NRG1: variants seen among roughly 807,000 people sequenced by gnomAD.
NRG1 encodes neuregulin 1, also known as pro-neuregulin-1, membrane-bound isoform.
A neutral mutation model predicts 63.8 loss-of-function variants in NRG1; 18 were observed. That is an observed-to-expected ratio of 0.28 (90% confidence interval 0.19 to 0.42). The LOEUF is 0.42. NRG1 is among the 10% of genes least tolerant of loss of function. The probability of loss-of-function intolerance (pLI) is 1.00; values close to 1 mark genes in which losing one functional copy is unlikely to be tolerated. For missense variants in NRG1, 762 were observed against 814.7 expected (o/e 0.94, Z 0.79); for synonymous variants, 302 against 301.3 (o/e 1.00, Z -0.02).
At chr8:32,615,502 CAT>C (rs1481492829) in intron 4 of NRG1, among the ~76,000 whole-genome samples, 1 of 152,022 alleles carries the variant, frequency 6.6e-6, no homozygotes, top group Admixed American at 6.6e-5. Context: ...AATGTTAAGT[CAT>C]ATACCTCAGG....
chr8:31,647,284 G>A (rs1282211638), intron 1 of NRG1, among the ~76,000 whole-genome samples: 1 of 152,214 alleles, frequency 6.6e-6, no homozygotes, highest in Non-Finnish European at 1.5e-5. Flanking sequence ...TTTTAGATCA[G>A]TTCCTCTTTA....
chr8:32,587,113 G>A (rs1841752041), intron 1 of NRG1, among the ~76,000 whole-genome samples: 1 of 152,126 alleles, frequency 6.6e-6, no homozygotes, highest in African/African-American at 2.4e-5. Context: ...AGAGGCTAAG[G>A]CAGGAGGATC....
intron 1 of NRG1, among the ~76,000 whole-genome samples, chr8:32,217,412 C>T (rs1845361992): frequency 6.6e-6 from 1 of 152,068 alleles, no homozygotes; most frequent in African/African-American, 2.4e-5. Flanking sequence ...CTCTGCTAGT[C>T]AGTCAACAGA....
chr8:32,137,058 G>A (rs956941888), intron 1 of NRG1, among the ~76,000 whole-genome samples: 1 of 151,998 alleles, frequency 6.6e-6, no homozygotes, highest in Non-Finnish European at 1.5e-5. Context: ...TAAACATGGG[G>A]GTTTTTTTTA....
intron 1 of NRG1, among the ~76,000 whole-genome samples, chr8:32,209,229 C>A (rs1157516811): frequency 6.6e-6 from 1 of 151,972 alleles, no homozygotes; most frequent in Admixed American, 6.6e-5. Context: ...CCTGACATAG[C>A]AATTATGTTC....
chr8:31,856,783 G>C (rs1390292460), intron 1 of NRG1, among the ~76,000 whole-genome samples: 2 of 152,148 alleles, frequency 1.3e-5, no homozygotes, highest in East Asian at 1.9e-4. Context: ...ATGTACAGAT[G>C]GGTTTTTGGT....
At chr8:31,864,160 A>C (rs576855459) in intron 1 of NRG1, among the ~76,000 whole-genome samples, 42 of 152,266 alleles carry the variant, frequency 2.8e-4, no homozygotes, top group Non-Finnish European at 5.6e-4. Flanking sequence ...GTATTCATTC[A>C]TTTTTTGTTT....
chr8:32,655,706 C>G (rs1801323463), intron 5 of NRG1, among the ~76,000 whole-genome samples: 1 of 151,982 alleles, frequency 6.6e-6, no homozygotes, highest in Non-Finnish European at 1.5e-5. Flanking sequence ...TAGATTATTA[C>G]CTTTGAGTTA....
chr8:32,246,448 A>C (rs2129470010), intron 1 of NRG1, among the ~76,000 whole-genome samples: 1 of 152,210 alleles, frequency 6.6e-6, no homozygotes, highest in Admixed American at 6.5e-5. Context: ...TATGGTCTCA[A>C]GGTTGTGTAA....
At chr8:32,344,602 ATTTTTTTT>A (rs61448713) in intron 1 of NRG1, among the ~76,000 whole-genome samples, 4,140 of 101,322 alleles carry the variant, frequency 0.041, 67 homozygotes, top group Middle Eastern at 0.086. Flanking sequence ...ACACTCAGCT[ATTTTTTTT>A]TTTTTTTTTT....
chr8:31,917,146 T>G (rs1157464925), intron 1 of NRG1, among the ~76,000 whole-genome samples: 4 of 96,880 alleles, frequency 4.1e-5, no homozygotes, highest in East Asian at 5.9e-4. Flanking sequence ...TTTCTCCCAT[T>G]TTGTAGGTTG....
At chr8:31,924,292 A>G (rs1338699700) in intron 1 of NRG1, among the ~76,000 whole-genome samples, 1 of 151,942 alleles carries the variant, frequency 6.6e-6, no homozygotes, top group Non-Finnish European at 1.5e-5. Context: ...CAGAGGTTGC[A>G]GTGAGCTGAG....
chr8:31,641,313 A>G (rs1490353037), intron 1 of NRG1, among the ~76,000 whole-genome samples: 2 of 150,184 alleles, frequency 1.3e-5, no homozygotes, highest in Non-Finnish European at 3.0e-5. Flanking sequence ...TGTGAGAATT[A>G]TAAAGTTGTT....
At position 31,948,616 on chromosome 8, in the gene NRG1, G is replaced by A. The variant is rs181824961; in HGVS notation, c.37+309185G>A. ...GAGAGCTAATTTCCCAAAGATCAAT[G>A]ACTAAGGGAGGATTTCAGAGGTTAT... is the stretch of plus-strand genomic sequence containing the variant. On this transcript the variant is annotated intron_variant, in intron 1 of 10. Coordinates refer to the NRG1 transcript ENST00000519301. 3.6e-3 allele frequency among the ~76,000 whole-genome samples: 546 copies of A among 152,304 alleles called. 1 individual carries two copies. Among genetic ancestry groups the A allele is most frequent in the Middle Eastern group, 0.014 (4 of 294 alleles).
intron 1 of NRG1, among the ~76,000 whole-genome samples, chr8:32,103,990 C>T (rs1048699263): frequency 6.6e-6 from 1 of 152,130 alleles, no homozygotes; most frequent in Non-Finnish European, 1.5e-5. Flanking sequence ...CTGTTGTAGT[C>T]CAAATAGTCT....
chr8:31,663,826 G>A (rs1218075350), intron 1 of NRG1, among the ~76,000 whole-genome samples: 10 of 151,826 alleles, frequency 6.6e-5, no homozygotes, highest in African/African-American at 2.4e-4. Context: ...TTCATCTTTG[G>A]GGCTGTACAT....
chr8:32,008,762 G>A (rs1382864430), intron 1 of NRG1, among the ~76,000 whole-genome samples: 2 of 152,046 alleles, frequency 1.3e-5, no homozygotes, highest in Admixed American at 6.6e-5. Context: ...GAAGAGCTGC[G>A]TAAGCCTGAT....
intron 4 of NRG1, among the ~76,000 whole-genome samples, 173 bp downstream of exon 4, chr8:32,614,737 G>A (rs1670577727): frequency 6.6e-6 from 1 of 151,988 alleles, no homozygotes; most frequent in African/African-American, 2.4e-5. Context: ...ACTTAAGGGA[G>A]GATGGTTCTT....
chr8:32,333,618 T>C (rs1214696284), intron 1 of NRG1, among the ~76,000 whole-genome samples: 1 of 152,194 alleles, frequency 6.6e-6, no homozygotes, highest in Non-Finnish European at 1.5e-5. Flanking sequence ...AAGAGACCCC[T>C]GTAATCAATG....
Sources: allele counts gnomAD v4.1 joint callset (sites outside exome capture counted in the v4.1 genomes callset), GRCh38; gene constraint gnomAD v4.1.1; transcripts MANE v1.5; gene names NCBI Gene and HGNC (gene_info 2026-07-23, HGNC 2026-07-21).